The following FAM81A variants were observed in gnomAD, a reference collection of about 807,000 sequenced individuals.
FAM81A encodes the protein protein FAM81A.
A neutral mutation model predicts 46.7 loss-of-function variants in FAM81A; 19 were observed. The observed-to-expected ratio is 0.41, with a 90% CI of 0.28 to 0.60. FAM81A has a LOEUF of 0.60. Ranked by LOEUF, FAM81A falls within the 20% of genes least tolerant of loss-of-function variation. The pLI is 0.34. For synonymous variants in FAM81A, 183 were observed against 152.9 expected (o/e 1.20, Z -1.45); for missense variants, 377 against 453.5 (o/e 0.83, Z 1.53).
chr15:59,442,320 T>C (rs2141587982), intron 1 of FAM81A, among the ~76,000 whole-genome samples: 1 of 152,244 alleles, frequency 6.6e-6, no homozygotes, highest in East Asian at 1.9e-4. Flanking sequence ...TATAGAAAAG[T>C]TGCAATAACT....
chr15:59,412,498 G>A (rs1254659616), intron 2 of FAM81A, among the ~76,000 whole-genome samples: 1 of 152,134 alleles, frequency 6.6e-6, no homozygotes, highest in Admixed American at 6.5e-5. Context: ...GGCTGAGGCT[G>A]GTGGATCTCT....
At chr15:59,478,662 A>C (rs547310056) in intron 3 of FAM81A, among the ~76,000 whole-genome samples, 1 of 152,330 alleles carries the variant, frequency 6.6e-6, no homozygotes, top group Admixed American at 6.5e-5. Context: ...TTTTGTTTTC[A>C]TTCTACCCAC....
At chr15:59,449,593 A>C (rs1398479576) in intron 1 of FAM81A, among the ~76,000 whole-genome samples, 1 of 152,070 alleles carries the variant, frequency 6.6e-6, no homozygotes, top group Non-Finnish European at 1.5e-5. Flanking sequence ...CATCCTGGCT[A>C]ACACAGTGAA....
intron 2 of FAM81A, among the ~76,000 whole-genome samples, chr15:59,426,598 G>A (rs1174541512): frequency 6.6e-6 from 1 of 152,168 alleles, no homozygotes; most frequent in Admixed American, 6.5e-5. Context: ...GGCAACAAGA[G>A]CGAAACTCTG....
intron 3 of FAM81A, among the ~76,000 whole-genome samples, chr15:59,483,578 C>A (rs1198255241): frequency 6.6e-6 from 1 of 152,136 alleles, no homozygotes; most frequent in African/African-American, 2.4e-5. Context: ...CTTTCCTATT[C>A]ATTTCCAAAT....
chr15:59,399,486 A>G (rs1295951740), intron 1 of FAM81A, among the ~76,000 whole-genome samples: 1 of 152,190 alleles, frequency 6.6e-6, no homozygotes, highest in Non-Finnish European at 1.5e-5. Context: ...CCCAGCTGTA[A>G]GACATCAAAA....
At chr15:59,437,706 G>A (rs532056753), upstream of FAM81A, among the ~76,000 whole-genome samples, 1 of 152,280 alleles carries the variant, frequency 6.6e-6, no homozygotes, top group South Asian at 2.1e-4. Flanking sequence ...TTGAGGTGGG[G>A]CGGGGGAGAG....
At chr15:59,411,081 G>A (rs1157623649) in intron 2 of FAM81A, among the ~76,000 whole-genome samples, 2 of 152,214 alleles carry the variant, frequency 1.3e-5, no homozygotes, top group African/African-American at 4.8e-5. Context: ...TTTTACACCA[G>A]GCTTTTCATT....
At chr15:59,476,602 A>C (rs150855926) in intron 3 of FAM81A, among the ~76,000 whole-genome samples, 1 of 152,176 alleles carries the variant, frequency 6.6e-6, no homozygotes, top group East Asian at 1.9e-4. Context: ...CCTGGCCAAC[A>C]TGATGAAACC....
At chr15:59,499,245 G>A (rs1271353051) in intron 4 of FAM81A, among the ~76,000 whole-genome samples, 1 of 152,046 alleles carries the variant, frequency 6.6e-6, no homozygotes, top group Non-Finnish European at 1.5e-5. Flanking sequence ...TGCAGGATCA[G>A]TTTGCTAGTA....
At chr15:59,506,073 A>ATC (rs1174983612) in intron 4 of FAM81A, among the ~76,000 whole-genome samples, 2 of 152,166 alleles carry the variant, frequency 1.3e-5, no homozygotes, top group Non-Finnish European at 2.9e-5. Context: ...GGGTGTGACC[A>ATC]TCTGTAAGCC....
chr15:59,501,478 T>A (rs1237886565), intron 4 of FAM81A, among the ~76,000 whole-genome samples: 1 of 151,994 alleles, frequency 6.6e-6, no homozygotes, highest in Non-Finnish European at 1.5e-5. Context: ...CATATATATA[T>A]AATAATTATG....
At chr15:59,417,936 G>A (rs1233069122) in intron 2 of FAM81A, among the ~76,000 whole-genome samples, 2 of 151,796 alleles carry the variant, frequency 1.3e-5, no homozygotes, top group Non-Finnish European at 2.9e-5. Context: ...CACAACCCAC[G>A]ACAGGCCCCG....
At chr15:59,422,563 G>A (rs1444544009) in intron 2 of FAM81A, among the ~76,000 whole-genome samples, 2 of 151,954 alleles carry the variant, frequency 1.3e-5, no homozygotes, top group Non-Finnish European at 2.9e-5. Context: ...TGCAACCTCC[G>A]CCTCCCGGGT....
intron 4 of FAM81A, among the ~76,000 whole-genome samples, chr15:59,502,485 CTGTGTGTGTGTGTGTGTGTG>C (rs71119478): frequency 8.7e-5 from 12 of 138,206 alleles, no homozygotes; most frequent in Admixed American, 2.2e-4. Flanking sequence ...GTTGACTTCA[CTGTGTGTGTGTGTGTGTGTG>C]TGTGTGTGTG....
intron 1 of FAM81A, among the ~76,000 whole-genome samples, chr15:59,453,259 T>C (rs1184243015): frequency 2.6e-5 from 4 of 152,234 alleles, no homozygotes; most frequent in Admixed American, 2.6e-4. Context: ...TCCAAATCTC[T>C]GCTCTACTGC....
chr15:59,439,097 T>C, intron 1 of FAM81A: 1 of 147,046 alleles, frequency 6.8e-6, no homozygotes, highest in Non-Finnish European at 1.5e-5. Context: ...ACGAGGTTTA[T>C]GTGTGTGTGT....
chr15:59,460,136 C>T lies in FAM81A; in HGVS notation c.224C>T (p.Ala75Val). Residue 75 changes from alanine to valine, a missense_variant, in exon 3 of 9, where the codon GCC becomes GTC. Physicochemically the swap from Ala to Val is moderately conservative, Grantham distance 64. Transcript: ENST00000288228. This position sits in a 1 kb window ranked among gnomAD's most constrained non-coding sequence, Gnocchi z 4.4. Reference sequence around the variant, plus strand: ...AACAAAGGGGGAGGTGACCGCTTGGCCAGGCTTTTCTTGGAGGAGCATATC... The same window carrying T: ...AACAAAGGGGGAGGTGACCGCTTGGTCAGGCTTTTCTTGGAGGAGCATATC... ...MQNKGGGDRLARLFLEEHIRN... is the reference protein window; with the variant it reads ...MQNKGGGDRLVRLFLEEHIRN... 4 of 1,613,938 alleles carry T rather than the reference C, an allele frequency of 2.5e-6. No individual in the cohort carries two copies. The highest frequency in any genetic ancestry group is 3.4e-6 in the Non-Finnish European group (4 of 1,179,878).
At chr15:59,407,947 G>A (rs1044830112) in intron 2 of FAM81A, 2 of 176,776 alleles carry the variant, frequency 1.1e-5, no homozygotes, top group Admixed American at 6.0e-5. Context: ...CATGTTTAGA[G>A]GATCGCTCTT....
Sources: allele counts gnomAD v4.1 joint callset (sites outside exome capture counted in the v4.1 genomes callset), GRCh38; gene constraint gnomAD v4.1.1; non-coding constraint Gnocchi (gnomAD v3.1); transcripts MANE v1.5; gene names NCBI Gene and HGNC (gene_info 2026-07-23, HGNC 2026-07-21).